The following KAZN variants were observed in gnomAD, a reference collection of about 807,000 sequenced individuals.
KAZN encodes kazrin, periplakin interacting protein.
KAZN carries 40 observed loss-of-function variants against 87.4 expected under a neutral mutation model. That is an observed-to-expected ratio of 0.46 (90% confidence interval 0.36 to 0.60). The LOEUF is 0.60. KAZN is among the 20% of genes least tolerant of loss of function. The pLI, the probability that KAZN is intolerant of heterozygous loss-of-function variation, is 0.00. For missense variants in KAZN, 898 were observed against 1,073.9 expected (o/e 0.84, Z 2.29); for synonymous variants, 466 against 458.3 (o/e 1.02, Z -0.22).
rs772502957 is a variant in KAZN, at chr1:14,960,715, G to T, written c.258G>T (p.Gln86His). 7 of 1,580,398 alleles carry T rather than the reference G, an allele frequency of 4.4e-6. No homozygotes were observed. The South Asian group carries it at 8.1e-5, about 18-fold the overall frequency. Reference sequence around the variant, plus strand: ...TGCGGGAAGAAGTGTCGCGGCTCCAGGAGGAAGTTCACCTTCTCCGGCAGA... The same window carrying T: ...TGCGGGAAGAAGTGTCGCGGCTCCATGAGGAAGTTCACCTTCTCCGGCAGA... ...VLLREEVSRL[Q>H]EEVHLLRQMK... The change falls in exon 2 of 15, where the codon CAG becomes CAT. Residue 86 changes from glutamine (Q) to histidine (H), a missense_variant. Physicochemically the swap from Gln to His is conservative, Grantham distance 24. Coordinates refer to ENST00000376030, the MANE Select transcript of KAZN (RefSeq NM_201628.3).
intron 1 of KAZN, among the ~76,000 whole-genome samples, chr1:14,736,908 C>A (rs1257691932): frequency 2.6e-5 from 4 of 152,110 alleles, no homozygotes; most frequent in Admixed American, 6.5e-5. Flanking sequence ...AGGTGCTGTT[C>A]TAAGGGCTGA....
intron 2 of KAZN, among the ~76,000 whole-genome samples, chr1:14,577,349 T>C (rs1270830148): frequency 1.3e-5 from 2 of 152,182 alleles, no homozygotes; most frequent in African/African-American, 4.8e-5. Context: ...GCTCATTGGA[T>C]TGCGGTAATT....
intron 2 of KAZN, among the ~76,000 whole-genome samples, chr1:14,568,410 A>T (rs1674665602): frequency 6.6e-6 from 1 of 152,214 alleles, no homozygotes; most frequent in Non-Finnish European, 1.5e-5. Flanking sequence ...AAAGAAAAAG[A>T]GGTTCAGTGG....
At chr1:14,584,509 T>C (rs809755) in intron 2 of KAZN, among the ~76,000 whole-genome samples, 9,475 of 152,200 alleles carry the variant, frequency 0.062, 989 homozygotes, top group African/African-American at 0.22. Flanking sequence ...AGCCATAAAT[T>C]CCCCTTGGTA....
chr1:15,101,781 A>C lies in KAZN; in HGVS notation c.1779+7A>C, dbSNP rs1641079620. On this transcript the variant is annotated splice_region_variant and intron_variant, in intron 11 of 14. Transcript: ENST00000376030. ...AGTGAACTTCAGCAGGGAGGTGAGG[A>C]CCAGGGCACAGGGTGGGGGCACCTT... 6.4e-7 allele frequency: 1 copy of C among 1,560,784 alleles called. No individual in the cohort carries two copies.
At chr1:14,284,965 G>A (rs1653124507) in intron 2 of KAZN, among the ~76,000 whole-genome samples, 2 of 152,332 alleles carry the variant, frequency 1.3e-5, no homozygotes, top group South Asian at 4.1e-4. Context: ...GTTAGCATTT[G>A]TTTTGCCCCC....
intron 1 of KAZN, among the ~76,000 whole-genome samples, chr1:14,056,279 G>C (rs571760919): frequency 1.3e-5 from 2 of 152,208 alleles, no homozygotes; most frequent in African/African-American, 4.8e-5. Flanking sequence ...GAAATGAGGA[G>C]ATTCTCCCAG....
intron 1 of KAZN, among the ~76,000 whole-genome samples, chr1:14,649,089 G>A (rs1681026083): frequency 6.6e-6 from 1 of 152,210 alleles, no homozygotes; most frequent in Admixed American, 6.5e-5. Context: ...CAGCATGGAA[G>A]ACCAGAGACT....
intron 1 of KAZN, among the ~76,000 whole-genome samples, chr1:14,887,134 C>T (rs1186195605): frequency 2.0e-5 from 3 of 152,156 alleles, no homozygotes; most frequent in Non-Finnish European, 4.4e-5. Context: ...TGCTAATGCC[C>T]CTTTCCTCCT....
At chr1:14,447,122 A>G (rs1307129472) in intron 2 of KAZN, among the ~76,000 whole-genome samples, 5 of 151,706 alleles carry the variant, frequency 3.3e-5, no homozygotes, top group Non-Finnish European at 7.4e-5. Flanking sequence ...TGTGTGCTTT[A>G]TATTTAGCTA....
intron 2 of KAZN, among the ~76,000 whole-genome samples, chr1:14,529,896 G>A (rs1356332091): frequency 6.6e-6 from 1 of 152,188 alleles, no homozygotes; most frequent in East Asian, 1.9e-4. Flanking sequence ...TGCTTATGGA[G>A]CCACATGCTT....
At chr1:14,430,732 T>G (rs1437536250) in intron 2 of KAZN, among the ~76,000 whole-genome samples, 1 of 152,106 alleles carries the variant, frequency 6.6e-6, no homozygotes, top group Non-Finnish European at 1.5e-5. Context: ...CACACCAGGG[T>G]GCTGAGCACA....
At chr1:14,219,977 G>A (rs1227509289) in intron 2 of KAZN, among the ~76,000 whole-genome samples, 2 of 152,100 alleles carry the variant, frequency 1.3e-5, no homozygotes, top group East Asian at 1.9e-4. Flanking sequence ...CATAAACTCT[G>A]CCCAATTCAT....
intron 1 of KAZN, among the ~76,000 whole-genome samples, chr1:14,668,936 A>G (rs546227012): frequency 6.6e-6 from 1 of 152,378 alleles, no homozygotes; most frequent in South Asian, 2.1e-4. Flanking sequence ...AGCAGTACAT[A>G]GAATAGAAAC....
At chr1:14,404,659 A>C (rs1224720412) in intron 2 of KAZN, among the ~76,000 whole-genome samples, 1 of 152,226 alleles carries the variant, frequency 6.6e-6, no homozygotes, top group Non-Finnish European at 1.5e-5. Context: ...ATGTCTGTAA[A>C]TAGGAGAAAA....
At chr1:14,943,275 C>T (rs774215310) in intron 1 of KAZN, among the ~76,000 whole-genome samples, 5 of 151,818 alleles carry the variant, frequency 3.3e-5, no homozygotes, top group Non-Finnish European at 5.9e-5. Flanking sequence ...GTCCAGAAAC[C>T]AGAGAAAGCC....
Position 15,081,621 on chromosome 1 carries a change from G to A in KAZN, c.1223-12559G>A, listed in dbSNP as rs1573267997. Among the ~76,000 whole-genome samples the A allele has an allele frequency of 6.6e-6, 1 of 152,260 alleles. No individual in the cohort carries two copies. The highest frequency in any genetic ancestry group is 1.9e-4 in the East Asian group (1 of 5,182). On this transcript the variant is annotated intron_variant, in intron 8 of 14. Transcript: ENST00000376030. This position sits in a 1 kb window ranked among gnomAD's most constrained non-coding sequence, Gnocchi z 4.1. ...GAGTTGTAGGGTACCCACACTAGGT[G>A]ACCAGGAAAGGAGTCCCTGAAATAA...
At chr1:14,224,369 A>G (rs904588411) in intron 2 of KAZN, among the ~76,000 whole-genome samples, 1 of 152,214 alleles carries the variant, frequency 6.6e-6, no homozygotes, top group Non-Finnish European at 1.5e-5. Context: ...GTTGTACCGA[A>G]GCTGACAATG....
At chr1:14,471,314 T>C (rs768614857) in intron 2 of KAZN, among the ~76,000 whole-genome samples, 1 of 152,190 alleles carries the variant, frequency 6.6e-6, no homozygotes, top group Non-Finnish European at 1.5e-5. Context: ...TATTAGAATA[T>C]AATAGAAAAT....
Sources: allele counts gnomAD v4.1 joint callset (sites outside exome capture counted in the v4.1 genomes callset), GRCh38; gene constraint gnomAD v4.1.1; non-coding constraint Gnocchi (gnomAD v3.1); transcripts MANE v1.5; gene names NCBI Gene and HGNC (gene_info 2026-07-23, HGNC 2026-07-21).